The following MTR variants were observed in gnomAD, a reference collection of about 807,000 sequenced individuals.
MTR encodes the protein 5-methyltetrahydrofolate-homocysteine methyltransferase.
MTR carries 84 observed loss-of-function variants against 154.8 expected under a neutral mutation model. The ratio of observed to expected loss-of-function variants is 0.54; its 90% confidence interval spans 0.45 to 0.65. The LOEUF is 0.65. MTR is among the 30% of genes least tolerant of loss of function. The probability of loss-of-function intolerance (pLI) is 0.00; values close to 1 mark genes in which losing one functional copy is unlikely to be tolerated. For synonymous variants in MTR, 554 were observed against 553.9 expected (o/e 1.00, Z 0.00); for missense variants, 1,275 against 1,570.2 (o/e 0.81, Z 3.18).
chr1:236,796,470 A>T (rs973951960), intron 1 of MTR, among the ~76,000 whole-genome samples: 2 of 152,210 alleles, frequency 1.3e-5, no homozygotes, highest in African/African-American at 4.8e-5. Flanking sequence ...GGGTGAGGAG[A>T]TGTAGAAACG....
At chr1:236,858,777 G>A (rs10802564) in intron 18 of MTR, among the ~76,000 whole-genome samples, 85,876 of 151,940 alleles carry the variant, frequency 0.57, 24,714 homozygotes, top group South Asian at 0.61. Context: ...TTAGGTTTCC[G>A]GTTTGGCAGC....
In MTR at chr1:236,842,489, C is replaced by G. The variant is rs377757940; in HGVS notation, c.1515+3890C>G. Reference sequence around the variant, plus strand: ...CCAACTCTGGTGTTTTGCTCTGCATCGGGTGAGATTTTCATATCTACATTT... The same window carrying G: ...CCAACTCTGGTGTTTTGCTCTGCATGGGGTGAGATTTTCATATCTACATTT... On this transcript the variant is annotated intron_variant, in intron 15 of 32. Coordinates refer to ENST00000366577, the MANE Select transcript of MTR (RefSeq NM_000254.3). Among the ~76,000 whole-genome samples the G allele has an allele frequency of 1.3e-4, 20 of 152,098 alleles. 1 individual carries two copies. Among genetic ancestry groups the G allele is most frequent in the Non-Finnish European group, 2.9e-5 (2 of 68,016 alleles).
In MTR at chr1:236,816,528, A is replaced by G; in HGVS notation, c.749A>G (p.His250Arg). 6.2e-7 allele frequency: 1 copy of G among 1,611,446 alleles called. No homozygotes were observed. ...TGEGFVISVSHGEPLCIGLNC... is the reference protein window; with the variant it reads ...TGEGFVISVSRGEPLCIGLNC... ...GAGGGATTTGTCATCAGCGTGTCTC[A>G]TGGAGAACCACTCTGGTGAGTGATC... Residue 250 changes from histidine to arginine, a missense_variant, in exon 8 of 33, where the codon CAT becomes CGT. His to Arg is a conservative substitution (Grantham distance 29, BLOSUM62 0). Transcript: ENST00000366577.
intron 1 of MTR, chr1:236,800,066 A>G: frequency 1.0e-6 from 1 of 985,374 alleles, no homozygotes; most frequent in Non-Finnish European, 1.2e-6. Context: ...TCTGGATTGA[A>G]AAGGGAATAC....
intron 15 of MTR, among the ~76,000 whole-genome samples, chr1:236,846,179 T>C (rs1288631525): frequency 6.6e-6 from 1 of 152,240 alleles, no homozygotes; most frequent in Non-Finnish European, 1.5e-5. Flanking sequence ...TGACCAACTG[T>C]TATTCTTAAC....
At chr1:236,893,255 G>C (rs1572345402) in intron 29 of MTR, among the ~76,000 whole-genome samples, 1 of 152,136 alleles carries the variant, frequency 6.6e-6, no homozygotes, top group Admixed American at 6.5e-5. Flanking sequence ...ACATTCCTGT[G>C]TGCCATTACC....
intron 3 of MTR, among the ~76,000 whole-genome samples, chr1:236,806,509 G>A (rs980995246): frequency 4.6e-5 from 7 of 152,166 alleles, no homozygotes; most frequent in East Asian, 1.9e-4. Flanking sequence ...ATCATTGGCC[G>A]TATGCACACA....
intron 18 of MTR, 24 bp from the exon 19 acceptor site, chr1:236,859,809 T>A: frequency 6.3e-7 from 1 of 1,587,006 alleles, no homozygotes. Flanking sequence ...TTGTATCCAT[T>A]TCTTGGTTTC....
chr1:236,868,772 G>T (rs1664958906), intron 22 of MTR, among the ~76,000 whole-genome samples: 1 of 152,110 alleles, frequency 6.6e-6, no homozygotes, highest in South Asian at 2.1e-4. Context: ...GCAGTATATG[G>T]CTGAGCATGA....
intron 22 of MTR, among the ~76,000 whole-genome samples, chr1:236,873,238 T>C (rs1665236255): frequency 6.6e-6 from 1 of 152,052 alleles, no homozygotes; most frequent in African/African-American, 2.4e-5. Context: ...GGCAAATTCA[T>C]AGAGAAAGAA....
chr1:236,891,945 C>CT (rs1179009090), intron 29 of MTR, among the ~76,000 whole-genome samples: 1 of 152,154 alleles, frequency 6.6e-6, no homozygotes, highest in Admixed American at 6.5e-5. Context: ...AGTGGCCGTT[C>CT]TTTGACTGTG....
chr1:236,873,909 T>C lies in MTR; in HGVS notation c.2473+69T>C, dbSNP rs1436770646. On this transcript the variant is annotated intron_variant, in intron 23 of 32. Transcript: ENST00000366577. ...CCCCAGGTGTCTGTCATTTCCCTAG[T>C]TGTCTGTCAGTGAATAGTGATGCCC... 3 of 1,460,560 alleles carry C rather than the reference T, an allele frequency of 2.1e-6. No individual in the cohort carries two copies. In the East Asian group the frequency reaches 6.8e-5, roughly 33 times the overall value. The allele number at this position is 1,460,560 out of a possible 1,614,324, so 90.5% of individuals were successfully genotyped here.
chr1:236,798,784 T>C (rs757060238), intron 1 of MTR, among the ~76,000 whole-genome samples: 8 of 152,228 alleles, frequency 5.3e-5, no homozygotes, highest in Admixed American at 3.3e-4. Flanking sequence ...GTTCTAGACC[T>C]AATGAACTGA....
chr1:236,890,331 C>T (rs551901596), intron 28 of MTR, among the ~76,000 whole-genome samples: 132 of 152,212 alleles, frequency 8.7e-4, no homozygotes, highest in African/African-American at 2.8e-3. Flanking sequence ...TCACGGAAAC[C>T]GAGATGGTGT....
At chr1:236,825,271 A>C (rs766363731) in intron 9 of MTR, 67 bp from the exon 10 acceptor site, 407 of 1,140,938 alleles carry the variant, frequency 3.6e-4, no homozygotes, top group Non-Finnish European at 4.9e-4. Context: ...ATTAACATAA[A>C]GTCTTTAAAA....
In MTR at chr1:236,874,803, G is replaced by A; in HGVS notation, c.2551G>A (p.Ala851Thr). The stretch of plus-strand genomic sequence containing the variant: ...TGTTGCCAAGGAAATGGAGAGATTA[G>A]CTATAAGGATTCCATTGTTGATTGG... Reference protein sequence around the residue: ...IFVAKEMERLAIRIPLLIGGA... With the variant: ...IFVAKEMERLTIRIPLLIGGA... Residue 851 changes from alanine to threonine, a missense_variant, in exon 24 of 33, where the codon GCT (alanine) becomes ACT (threonine). By Grantham distance (58) the Ala-to-Thr change is moderately conservative (BLOSUM62 0). Coordinates refer to ENST00000366577, the MANE Select transcript of MTR (RefSeq NM_000254.3). 6.2e-7 allele frequency: 1 copy of A among 1,613,528 alleles called. No homozygotes were observed. Among genetic ancestry groups the A allele is most frequent in the Non-Finnish European group, 8.5e-7 (1 of 1,179,778 alleles).
At chr1:236,801,401 C>A (rs561462354) in intron 1 of MTR, among the ~76,000 whole-genome samples, 2 of 152,282 alleles carry the variant, frequency 1.3e-5, no homozygotes, top group East Asian at 1.9e-4. Flanking sequence ...GAGCCACCTT[C>A]CTGAAGCCCA....
rs774766963 is a variant in MTR, at chr1:236,808,684, G to A, written c.340-20G>A. 2.4e-5 allele frequency: 38 copies of A among 1,613,334 alleles called. No individual in the cohort carries two copies. Among genetic ancestry groups the A allele is most frequent in the Admixed American group, 6.7e-5 (4 of 59,994 alleles). Reference sequence around the variant, plus strand: ...CGGAGGAAAAGAAGGACAAGCTAACGTTTGTGGTTGATACGTTAGGCCTAC... The same window carrying A: ...CGGAGGAAAAGAAGGACAAGCTAACATTTGTGGTTGATACGTTAGGCCTAC... On this transcript the variant is annotated intron_variant, in intron 3 of 32. Coordinates refer to ENST00000366577, the MANE Select transcript of MTR (RefSeq NM_000254.3).
chr1:236,823,143 G>A (rs564691681), intron 8 of MTR, among the ~76,000 whole-genome samples: 1 of 152,262 alleles, frequency 6.6e-6, no homozygotes, highest in South Asian at 2.1e-4. Context: ...TAGTTTTCAT[G>A]TTAACATAAT....
Sources: gnomAD v4.1 joint callset for allele counts (sites outside exome capture counted in the v4.1 genomes callset) on GRCh38, gnomAD v4.1.1 for gene constraint, MANE v1.5 for transcripts, NCBI Gene and HGNC (gene_info 2026-07-23, HGNC 2026-07-21) for gene names.